USP42: variants seen among roughly 807,000 people sequenced by gnomAD.
The protein encoded by USP42 is ubiquitin carboxyl-terminal hydrolase 42.
Under a neutral mutation model 113.0 loss-of-function variants are expected in USP42, and 23 were observed. That is an observed-to-expected ratio of 0.20 (90% confidence interval 0.15 to 0.29). The LOEUF is 0.29. USP42 is among the 10% of genes least tolerant of loss of function. The pLI, the probability that USP42 is intolerant of heterozygous loss-of-function variation, is 1.00. For synonymous variants in USP42, 933 were observed against 699.0 expected (o/e 1.33, Z -5.28); for missense variants, 2,174 against 1,779.8 (o/e 1.22, Z -3.99).
At chr7:6,146,447 C>T (rs1478737200) in intron 11 of USP42, among the ~76,000 whole-genome samples, 199 bp downstream of exon 11, 1 of 152,034 alleles carries the variant, frequency 6.6e-6, no homozygotes, top group Admixed American at 6.5e-5. Context: ...ATCACTTGAG[C>T]CCAGGAGTTC....
chr7:6,104,135 T>C (rs1468114871), upstream of USP42, among the ~76,000 whole-genome samples: 1 of 151,288 alleles, frequency 6.6e-6, no homozygotes, highest in Non-Finnish European at 1.5e-5. Context: ...AGGGCTGCAG[T>C]GCAGAGGCGC....
chr7:6,141,634 C>G (rs193019095), intron 7 of USP42, among the ~76,000 whole-genome samples: 142 of 152,000 alleles, frequency 9.3e-4, no homozygotes, highest in Non-Finnish European at 1.8e-3. Context: ...TATCAGCTCA[C>G]TGCATCCTCC....
At chr7:6,127,192 T>G (rs1185852108) in intron 3 of USP42, among the ~76,000 whole-genome samples, 1 of 152,226 alleles carries the variant, frequency 6.6e-6, no homozygotes, top group Non-Finnish European at 1.5e-5. Context: ...TGTTGTACTG[T>G]CAAGTTTTGA....
chr7:6,117,547 T>A (rs1779978795), intron 3 of USP42, among the ~76,000 whole-genome samples: 1 of 152,212 alleles, frequency 6.6e-6, no homozygotes, highest in African/African-American at 2.4e-5. Context: ...TCATTTCTCT[T>A]AGGTAAATAT....
intron 7 of USP42, among the ~76,000 whole-genome samples, chr7:6,141,402 A>T (rs1157959987): frequency 1.3e-5 from 2 of 151,106 alleles, no homozygotes; most frequent in African/African-American, 4.9e-5. Context: ...ATGGGGTTTC[A>T]CCTATCGGCC....
chr7:6,092,076 C>CTTCTTCTTCTTTTTTCTTCTTCTTCTTCT, the USP42 span, among the ~76,000 whole-genome samples: 1 of 23,840 alleles, frequency 4.2e-5, no homozygotes, highest in Non-Finnish European at 8.6e-5. Context: ...CTTCTTCTTC[C>CTTCTTCTTCTTTTTTCTTCTTCTTCTTCT]TCTTCCTCTT....
intron 9 of USP42, among the ~76,000 whole-genome samples, chr7:6,144,763 G>GGGA (rs1332090537): frequency 1.3e-5 from 2 of 151,862 alleles, no homozygotes; most frequent in African/African-American, 4.8e-5. Flanking sequence ...CTAGCTACTC[G>GGGA]GGAGGCTGAG....
chr7:6,135,910 G>C lies in USP42; in HGVS notation c.512G>C (p.Gly171Ala), dbSNP rs763062447. 6.2e-7 allele frequency: 1 copy of C among 1,610,644 alleles called. No individual in the cohort carries two copies. Among genetic ancestry groups the C allele is most frequent in the Non-Finnish European group, 8.5e-7 (1 of 1,178,498 alleles). ...AHITQALSNP[G>A]DVIKPMFVIN... ...ATTACCCAGGCACTCAGTAATCCTG[G>C]GGACGTTATTAAACCAATGTTTGTC... The change falls in exon 4 of 18, where the codon GGG (glycine) becomes GCG (alanine). Residue 171 changes from glycine (G) to alanine (A), a missense_variant. By Grantham distance (60) the Gly-to-Ala change is moderately conservative. Coordinates refer to ENST00000306177, the MANE Select transcript of USP42 (RefSeq NM_032172.3).
the USP42 span, chr7:6,085,406 T>A: frequency 1.3e-5 from 2 of 150,816 alleles, no homozygotes; most frequent in African/African-American, 5.0e-5. Flanking sequence ...ATTTTAGGCG[T>A]GGGCCACCGT....
rs575622331 is a variant in USP42 at position 6,131,616 on chromosome 7, C to T, written c.443-4225C>T. 5.3e-5 allele frequency among the ~76,000 whole-genome samples: 8 copies of T among 152,224 alleles called. No individual in the cohort carries two copies. The East Asian group carries it at 1.2e-3, about 22-fold the overall frequency. On this transcript the variant is annotated intron_variant, in intron 3 of 17. Transcript: ENST00000306177. ...ATCCTTTGGCTGGAGAGAGTGGGAG[C>T]GGGATTTTGCTGGGCTTGGTTGCCT...
chr7:6,154,939 C>G lies in USP42; in HGVS notation c.3385C>G (p.Pro1129Ala). The G allele has an allele frequency of 6.4e-7, 1 of 1,552,722 alleles. No individual in the cohort carries two copies. The highest frequency in any genetic ancestry group is 8.7e-7 in the Non-Finnish European group (1 of 1,147,760). Reference protein sequence around the residue: ...AGAPHALAPHPDRFSHDRTAL... With the variant: ...AGAPHALAPHADRFSHDRTAL... ...CGCGCCCCACGCCCTCGCCCCGCAC[C>G]CCGACCGCTTCTCCCACGACAGAAC... Residue 1129 changes from proline to alanine, a missense_variant, in exon 15 of 18, where the codon CCC (proline) becomes GCC (alanine). Coordinates refer to ENST00000306177, the MANE Select transcript of USP42 (RefSeq NM_032172.3).
Position 6,154,156 on chromosome 7 carries a change from G to C in USP42, c.2602G>C (p.Glu868Gln), listed in dbSNP as rs781251225. 6.3e-7 allele frequency: 1 copy of C among 1,594,690 alleles called. No individual in the cohort carries two copies. Among genetic ancestry groups the C allele is most frequent in the South Asian group, 1.1e-5 (1 of 90,420 alleles). ...GCCTGCGCGGTCGGAGGAGCCCTGC[G>C]AGCAGCCACTCCTTGTTCACCCCAG... ...APPARSEEPCEQPLLVHPSGD... is the reference protein window; with the variant it reads ...APPARSEEPCQQPLLVHPSGD... The change falls in exon 15 of 18, where the codon GAG becomes CAG. Residue 868 changes from glutamate (E) to glutamine (Q), a missense_variant. Coordinates refer to ENST00000306177, the MANE Select transcript of USP42 (RefSeq NM_032172.3).
At chr7:6,142,512 G>A (rs144266801) in intron 7 of USP42, among the ~76,000 whole-genome samples, 2,007 of 152,174 alleles carry the variant, frequency 0.013, 26 homozygotes, top group Middle Eastern at 0.061. Flanking sequence ...CACCACGCCC[G>A]CCCGGAAAAT....
chr7:6,153,889 C>G lies in USP42; in HGVS notation c.2335C>G (p.Arg779Gly). Residue 779 changes from arginine (R) to glycine (G), a missense_variant, in exon 15 of 18, where the codon CGC (arginine) becomes GGC (glycine). Arg to Gly is a moderately radical substitution (Grantham distance 125). Coordinates refer to ENST00000306177, the MANE Select transcript of USP42 (RefSeq NM_032172.3). Reference protein sequence around the residue: ...LSSTKKAPPPRDPGTPATKEG... With the variant: ...LSSTKKAPPPGDPGTPATKEG... ...CAGCACCAAGAAGGCTCCGCCGCCCCGCGATCCCGGCACCCCCGCTACCAA... is the reference window on the plus strand; with the variant it reads ...CAGCACCAAGAAGGCTCCGCCGCCCGGCGATCCCGGCACCCCCGCTACCAA... 2.5e-6 allele frequency: 4 copies of G among 1,577,298 alleles called. No individual in the cohort carries two copies. The highest frequency in any genetic ancestry group is 3.4e-6 in the Non-Finnish European group (4 of 1,163,806).
chr7:6,134,091 C>T (rs906458106), intron 3 of USP42, among the ~76,000 whole-genome samples: 2 of 151,984 alleles, frequency 1.3e-5, no homozygotes, highest in East Asian at 1.9e-4. Context: ...CGGGGTTTCA[C>T]TGTGTTAGCC....
rs184987363 is a variant in USP42 at position 6,153,855 on chromosome 7, C to T, written c.2301C>T (p.Ala767=). 1.9e-6 allele frequency: 3 copies of T among 1,550,128 alleles called. No homozygotes were observed. The highest frequency in any genetic ancestry group is 2.6e-6 in the Non-Finnish European group (3 of 1,148,148). ...CCCTGGAGGAGCCAGATGCGGCCGC[C>T]GGCCTCAGCAGCACCAAGAAGGCTC... ...AESLEEPDAA[A]GLSSTKKAPP... is the part of the protein sequence containing the mutation. The change falls in exon 15 of 18, where the codon GCC becomes GCT. Residue 767 remains alanine, a synonymous_variant. Coordinates refer to ENST00000306177, the MANE Select transcript of USP42 (RefSeq NM_032172.3).
At chr7:6,130,371 A>T (rs1283835841) in intron 3 of USP42, among the ~76,000 whole-genome samples, 1 of 152,150 alleles carries the variant, frequency 6.6e-6, no homozygotes, top group Non-Finnish European at 1.5e-5. Context: ...CTCCACGGAC[A>T]CTGCAGTGGG....
intron 12 of USP42, among the ~76,000 whole-genome samples, chr7:6,148,980 A>C (rs1781876752): frequency 6.6e-6 from 1 of 152,162 alleles, no homozygotes; most frequent in East Asian, 1.9e-4. Flanking sequence ...CAGCTAATTC[A>C]GGTATGTGAG....
At chr7:6,116,153 G>A (rs887530874) in intron 3 of USP42, among the ~76,000 whole-genome samples, 1 of 151,388 alleles carries the variant, frequency 6.6e-6, no homozygotes, top group African/African-American at 2.4e-5. Context: ...GACAGGCGAG[G>A]TTAAGAAATC....
Sources: gnomAD v4.1 joint callset for allele counts (sites outside exome capture counted in the v4.1 genomes callset) on GRCh38, gnomAD v4.1.1 for gene constraint, MANE v1.5 for transcripts, NCBI Gene and HGNC (gene_info 2026-07-23, HGNC 2026-07-21) for gene names.